PTPRE: variants seen among roughly 807,000 people sequenced by gnomAD.
PTPRE encodes receptor-type tyrosine-protein phosphatase epsilon.
In PTPRE, 51 loss-of-function variants were observed where a neutral mutation model predicts 102.0. The ratio of observed to expected loss-of-function variants is 0.50; its 90% CI spans 0.40 to 0.63. PTPRE has a LOEUF of 0.63. PTPRE is among the 30% of genes least tolerant of loss of function. The probability of loss-of-function intolerance (pLI) is 0.00; values close to 1 mark genes in which losing one functional copy is unlikely to be tolerated. For missense variants in PTPRE, 752 were observed against 915.1 expected, an observed-to-expected ratio of 0.82 and a Z score of 2.30; for synonymous variants, 345 against 348.2, an observed-to-expected ratio of 0.99 and a Z score of 0.10.
At chr10:127,929,129 T>C (rs1203761692) in intron 1 of PTPRE, among the ~76,000 whole-genome samples, 2 of 152,200 alleles carry the variant, frequency 1.3e-5, no homozygotes, top group African/African-American at 2.4e-5. Context: ...CAAGCTACAA[T>C]ATGGAACCAT....
intron 1 of PTPRE, among the ~76,000 whole-genome samples, chr10:127,973,331 A>G (rs1314084779): frequency 2.0e-5 from 3 of 152,320 alleles, no homozygotes; most frequent in South Asian, 4.1e-4. Context: ...TATGAGCTCT[A>G]TTTTAAATAG....
rs149563421 is a variant in PTPRE at position 128,056,849 on chromosome 10, G to A, written c.511+636G>A. Among the ~76,000 whole-genome samples, 1,010 of 152,088 alleles carry A rather than the reference G, an allele frequency of 6.6e-3. 14 individuals carry two copies. The highest frequency in any genetic ancestry group is 0.023 in the African/African-American group (969 of 41,450). On this transcript the variant is annotated intron_variant, in intron 7 of 20. Coordinates refer to ENST00000254667, the MANE Select transcript of PTPRE (RefSeq NM_006504.6). ...GTGACCTGCTCCAGCTGGATGGGTC[G>A]TGACCTGGGGGCAGCTTTCACAGCC...
intron 1 of PTPRE, among the ~76,000 whole-genome samples, chr10:127,953,121 C>A (rs1008098719): frequency 6.6e-6 from 1 of 152,216 alleles, no homozygotes. Context: ...GCCCATCTAC[C>A]AAGTGACCTG....
In PTPRE at chr10:127,961,018, C is replaced by CAAAA. The variant is rs5788882; in HGVS notation, c.-30-21244_-30-21241dup. Among the ~76,000 whole-genome samples, 488 of 140,370 alleles carry CAAAA rather than the reference C, an allele frequency of 3.5e-3. 4 individuals carry two copies. The highest frequency in any genetic ancestry group is 0.012 in the African/African-American group (461 of 37,698). 92.1% of individuals were successfully genotyped at this position (140,370 alleles called of 152,430 possible). A position where few individuals can be genotyped will look rare whatever the true frequency, so the allele number is the denominator to read the frequency against. ...CCTGGGCCAAAGACCCAGACTCTGT[C>CAAAA]AAAAAAAAAAAAAAATACAGAAACA... On this transcript the variant is annotated intron_variant, in intron 1 of 20. Transcript: ENST00000254667.
chr10:128,082,949 AT>A lies in PTPRE; in HGVS notation c.*47del. 1 of 1,450,628 alleles carries A rather than the reference AT, an allele frequency of 6.9e-7. No individual in the cohort carries two copies. The allele number at this position is 1,450,628 out of a possible 1,614,324, so 89.9% of individuals were successfully genotyped here. ...TATTTTTTAATTTAATGGTCAGTAT[AT>A]TTTGTAAAAATCATGTTAATTTATT... On this transcript the variant is annotated 3_prime_UTR_variant, in exon 21 of 21. Transcript: ENST00000254667.
At position 127,944,411 on chromosome 10, in the gene PTPRE, G is replaced by C. The variant is rs900878882; in HGVS notation, c.-31+37102G>C. Among the ~76,000 whole-genome samples, 18 of 151,360 alleles carry C rather than the reference G, an allele frequency of 1.2e-4. No individual in the cohort carries two copies. Among genetic ancestry groups the C allele is most frequent in the Admixed American group, 4.6e-4 (7 of 15,102 alleles). ...GGATGGATGGATGGATGGATGGATGGATGCATGCATGGATAAGTGGATGGA... is the reference window on the plus strand; with the variant it reads ...GGATGGATGGATGGATGGATGGATGCATGCATGCATGGATAAGTGGATGGA... On this transcript the variant is annotated intron_variant, in intron 1 of 20. Transcript: ENST00000254667. The surrounding 1 kb of genome is among the most constrained non-coding windows in gnomAD (Gnocchi z 4.2).
intron 1 of PTPRE, among the ~76,000 whole-genome samples, chr10:127,950,226 A>G (rs1246022609): frequency 1.3e-5 from 2 of 152,166 alleles, no homozygotes; most frequent in African/African-American, 2.4e-5. Context: ...TAACAGAGAC[A>G]TAAAGGGAGC....
At chr10:128,027,542 A>AG (rs1276501255) in intron 2 of PTPRE, among the ~76,000 whole-genome samples, 1 of 152,212 alleles carries the variant, frequency 6.6e-6, no homozygotes, top group Admixed American at 6.5e-5. Flanking sequence ...CAGAAGATAA[A>AG]GGGGTCAGCC....
intron 1 of PTPRE, among the ~76,000 whole-genome samples, chr10:127,980,787 A>G (rs951628219): frequency 1.3e-5 from 2 of 152,196 alleles, no homozygotes; most frequent in Non-Finnish European, 2.9e-5. Flanking sequence ...ACAACTTTTA[A>G]TTGTGTGCTG....
At chr10:128,004,510 G>T (rs1442661183) in intron 2 of PTPRE, among the ~76,000 whole-genome samples, 7 of 152,136 alleles carry the variant, frequency 4.6e-5, no homozygotes, top group Non-Finnish European at 1.0e-4. Flanking sequence ...TCCAGTATGG[G>T]ACCTTTTGTG....
chr10:128,003,918 A>ATAC (rs1246741272), intron 2 of PTPRE, among the ~76,000 whole-genome samples: 1 of 152,112 alleles, frequency 6.6e-6, no homozygotes, highest in African/African-American at 2.4e-5. Context: ...CCCATTGGCA[A>ATAC]CACCCCACCC....
chr10:128,028,872 G>A lies in PTPRE; in HGVS notation c.-7-12003G>A, dbSNP rs964410187. 2.0e-4 allele frequency among the ~76,000 whole-genome samples: 31 copies of A among 152,094 alleles called. No individual in the cohort carries two copies. Among genetic ancestry groups the A allele is most frequent in the East Asian group, 5.8e-4 (3 of 5,166 alleles). ...TGGCCACCCCAGACGTCTGGCCCTC[G>A]TCCCGAATGCTGTCCCCTCTGGCCT... On this transcript the variant is annotated intron_variant, in intron 2 of 20. Transcript: ENST00000254667. This position sits in a 1 kb window ranked among gnomAD's most constrained non-coding sequence, Gnocchi z 4.5.
intron 1 of PTPRE, among the ~76,000 whole-genome samples, chr10:127,922,778 G>A (rs1360424846): frequency 5.3e-5 from 8 of 152,244 alleles, no homozygotes; most frequent in Admixed American, 5.2e-4. Flanking sequence ...CCCAGGCACA[G>A]CGGCTTCTGT....
intron 1 of PTPRE, among the ~76,000 whole-genome samples, chr10:127,960,639 G>A (rs1236772531): frequency 1.3e-5 from 2 of 152,220 alleles, no homozygotes; most frequent in Non-Finnish European, 2.9e-5. Flanking sequence ...GGACCTCCTA[G>A]CTCAATAAAT....
chr10:128,045,218 G>A (rs758185009), intron 3 of PTPRE, among the ~76,000 whole-genome samples: 4 of 152,376 alleles, frequency 2.6e-5, no homozygotes, highest in Non-Finnish European at 5.9e-5. Flanking sequence ...CCGTGTGCAC[G>A]GCCCCTTTCT....
At chr10:127,910,328 C>T (rs56307754) in intron 1 of PTPRE, among the ~76,000 whole-genome samples, 208 of 152,292 alleles carry the variant, frequency 1.4e-3, no homozygotes, top group Admixed American at 2.5e-3. Flanking sequence ...GAAACTCCTA[C>T]CCATACCTCA....
At chr10:128,064,624 G>A (rs982336576) in intron 10 of PTPRE, among the ~76,000 whole-genome samples, 2 of 152,150 alleles carry the variant, frequency 1.3e-5, no homozygotes, top group African/African-American at 4.8e-5. Context: ...GCTCAAGGAC[G>A]CCCTCACTTC....
intron 1 of PTPRE, among the ~76,000 whole-genome samples, chr10:127,953,690 G>T (rs1386612917): frequency 6.6e-6 from 1 of 152,224 alleles, no homozygotes; most frequent in East Asian, 1.9e-4. Flanking sequence ...GCCAGAGGAA[G>T]AGAAGACCAG....
chr10:128,070,190 T>C lies in PTPRE; in HGVS notation c.1144-111T>C. On this transcript the variant is annotated intron_variant, in intron 13 of 20. Transcript: ENST00000254667. The surrounding 1 kb of genome is among the most constrained non-coding windows in gnomAD (Gnocchi z 4.8). ...GACTCTTGCCTCACACCTCCTTGTG[T>C]TGGCAAAAAGAGAAAAAGAAGAAAG... 7.6e-7 allele frequency: 1 copy of C among 1,314,376 alleles called. No homozygotes were observed. The highest frequency in any genetic ancestry group is 1.0e-6 in the Non-Finnish European group (1 of 961,120). 81.4% of individuals were successfully genotyped at this position (1,314,376 alleles called of 1,614,324 possible). A position where few individuals can be genotyped will look rare whatever the true frequency, so the allele number is the denominator to read the frequency against.
Sources: allele counts gnomAD v4.1 joint callset (sites outside exome capture counted in the v4.1 genomes callset), GRCh38; gene constraint gnomAD v4.1.1; non-coding constraint Gnocchi (gnomAD v3.1); transcripts MANE v1.5; gene names NCBI Gene and HGNC (gene_info 2026-07-23, HGNC 2026-07-21).